Variants in MACROD2 observed in about 807,000 individuals in gnomAD.
MACROD2 encodes mono-ADP ribosylhydrolase 2.
MACROD2 carries 36 observed loss-of-function variants against 70.4 expected under a neutral mutation model. That is an observed-to-expected ratio of 0.51 (90% CI 0.39 to 0.68). The LOEUF (loss-of-function observed/expected upper bound fraction) is 0.68, where lower values mean the gene tolerates loss of function less well. Among genes scored for constraint, MACROD2 ranks in the 30% least tolerant of loss-of-function variants. The pLI is 0.00. For synonymous variants in MACROD2, 172 were observed against 178.8 expected, an observed-to-expected ratio of 0.96 and a Z score of 0.30; for missense variants, 496 against 538.4, an observed-to-expected ratio of 0.92 and a Z score of 0.78.
chr20:15,708,787 A>G (rs1392601125), intron 8 of MACROD2, among the ~76,000 whole-genome samples: 3 of 151,798 alleles, frequency 2.0e-5, no homozygotes, highest in African/African-American at 7.3e-5. Flanking sequence ...GCACTTTGGG[A>G]GCTGAGGCAG....
intron 5 of MACROD2, among the ~76,000 whole-genome samples, chr20:15,124,137 T>C (rs2076049751): frequency 6.6e-6 from 1 of 152,118 alleles, no homozygotes; most frequent in African/African-American, 2.4e-5. Flanking sequence ...TCTTTGATTT[T>C]TTTTGATGCC....
In MACROD2 at chr20:14,340,141, A is replaced by G. The variant is rs756539953; in HGVS notation, c.272-153338A>G. Among the ~76,000 whole-genome samples, 111 of 152,316 alleles carry G rather than the reference A, an allele frequency of 7.3e-4. 1 individual carries two copies. Among genetic ancestry groups the G allele is most frequent in the African/African-American group, 2.5e-3 (104 of 41,576 alleles). ...GATTGAAGGGGATGGAATGCTGGCAATCTTTAGCATGAAACCCTTTTGGCT... is the reference window on the plus strand; with the variant it reads ...GATTGAAGGGGATGGAATGCTGGCAGTCTTTAGCATGAAACCCTTTTGGCT... On this transcript the variant is annotated intron_variant, in intron 3 of 17. Coordinates refer to ENST00000684519, the MANE Select transcript of MACROD2 (RefSeq NM_001351661.2).
intron 3 of MACROD2, among the ~76,000 whole-genome samples, chr20:14,210,392 G>A (rs1225224105): frequency 6.6e-6 from 1 of 152,188 alleles, no homozygotes; most frequent in Non-Finnish European, 1.5e-5. Flanking sequence ...ACAGTTGGAG[G>A]CTGGATGCCT....
chr20:15,042,434 G>A (rs1357158058), intron 5 of MACROD2, among the ~76,000 whole-genome samples: 1 of 152,220 alleles, frequency 6.6e-6, no homozygotes, highest in Non-Finnish European at 1.5e-5. Context: ...ACCTGTAGGA[G>A]TATAGCATCC....
intron 6 of MACROD2, among the ~76,000 whole-genome samples, chr20:15,308,485 A>G (rs1264215562): frequency 6.6e-6 from 1 of 152,208 alleles, no homozygotes; most frequent in East Asian, 1.9e-4. Context: ...TAAGAAAGAT[A>G]TAGTTCTTAA....
intron 6 of MACROD2, among the ~76,000 whole-genome samples, chr20:15,325,545 G>A (rs902677815): frequency 6.6e-6 from 1 of 152,092 alleles, no homozygotes; most frequent in African/African-American, 2.4e-5. Flanking sequence ...CTAGTGCTTG[G>A]TAACCTCCAT....
chr20:15,021,262 CTG>C (rs1307960950), intron 5 of MACROD2, among the ~76,000 whole-genome samples: 1 of 6,216 alleles, frequency 1.6e-4, no homozygotes, highest in African/African-American at 4.1e-4. Context: ...ATACACACAC[CTG>C]TGTGTGTGTA....
chr20:15,552,817 A>G (rs1404189708), intron 8 of MACROD2: 1 of 152,218 alleles, frequency 6.6e-6, no homozygotes, highest in African/African-American at 2.4e-5. Context: ...ATGAGTCCTC[A>G]GAAAAAATCT....
intron 5 of MACROD2, among the ~76,000 whole-genome samples, chr20:14,856,494 T>G (rs971239180): frequency 6.6e-6 from 1 of 152,192 alleles, no homozygotes; most frequent in Non-Finnish European, 1.5e-5. Context: ...AATTGGGCTG[T>G]TTCTTGTTTT....
intron 4 of MACROD2, among the ~76,000 whole-genome samples, chr20:14,654,023 T>C (rs1415041865): frequency 2.6e-5 from 4 of 152,148 alleles, no homozygotes; most frequent in Non-Finnish European, 4.4e-5. Flanking sequence ...ATAAATTACT[T>C]GTACCCCAAT....
intron 5 of MACROD2, among the ~76,000 whole-genome samples, chr20:14,774,461 G>T (rs975311152): frequency 6.6e-6 from 1 of 152,032 alleles, no homozygotes; most frequent in Non-Finnish European, 1.5e-5. Context: ...ACACCAGTGA[G>T]TAAGGGAACA....
chr20:15,965,191 A>T lies in MACROD2; in HGVS notation c.908-2362A>T, dbSNP rs530650873. Among the ~76,000 whole-genome samples, 218 of 152,344 alleles carry T rather than the reference A, an allele frequency of 1.4e-3. 1 individual carries two copies. Among genetic ancestry groups the T allele is most frequent in the African/African-American group, 5.0e-3 (209 of 41,586 alleles). Reference sequence around the variant, plus strand: ...CAAAGAACAACTGATGGTATCTTGGACGCAATGAAATGCATTATGTAGAAA... The same window carrying T: ...CAAAGAACAACTGATGGTATCTTGGTCGCAATGAAATGCATTATGTAGAAA... On this transcript the variant is annotated intron_variant, in intron 12 of 17. Coordinates refer to ENST00000684519, the MANE Select transcript of MACROD2 (RefSeq NM_001351661.2).
chr20:15,526,319 G>A (rs1327203212), intron 8 of MACROD2, among the ~76,000 whole-genome samples: 1 of 152,092 alleles, frequency 6.6e-6, no homozygotes, highest in Non-Finnish European at 1.5e-5. Flanking sequence ...TGACAATGAT[G>A]GAATGATATA....
intron 7 of MACROD2, among the ~76,000 whole-genome samples, chr20:15,475,770 G>A (rs2047014330): frequency 6.6e-6 from 1 of 152,194 alleles, no homozygotes; most frequent in African/African-American, 2.4e-5. Context: ...AGAGAAGAGT[G>A]CACTGTGGCT....
chr20:15,040,301 C>T (rs1268790042), intron 5 of MACROD2, among the ~76,000 whole-genome samples: 1 of 142,980 alleles, frequency 7.0e-6, no homozygotes, highest in African/African-American at 2.7e-5. Context: ...GGCGACAGAG[C>T]GAGACTCCGT....
intron 5 of MACROD2, among the ~76,000 whole-genome samples, chr20:15,087,232 A>C (rs1343860851): frequency 6.6e-6 from 1 of 152,054 alleles, no homozygotes; most frequent in Non-Finnish European, 1.5e-5. Flanking sequence ...GACAGGCTTA[A>C]AGACAATTCA....
intron 9 of MACROD2, among the ~76,000 whole-genome samples, chr20:15,876,293 T>A (rs2064672393): frequency 6.6e-6 from 1 of 151,864 alleles, no homozygotes; most frequent in South Asian, 2.1e-4. Flanking sequence ...GGCCCCAGTG[T>A]GTGATGTTCC....
At chr20:15,844,997 G>T (rs1371644123) in intron 8 of MACROD2, among the ~76,000 whole-genome samples, 1 of 152,044 alleles carries the variant, frequency 6.6e-6, no homozygotes, top group Non-Finnish European at 1.5e-5. Flanking sequence ...TTCATAAGTG[G>T]CATCACACTT....
rs142054273 is a variant in MACROD2 at position 15,910,902 on chromosome 20, G to A, written c.776-22374G>A. 1.2e-3 allele frequency among the ~76,000 whole-genome samples: 190 copies of A among 152,290 alleles called. 1 individual carries two copies. Among genetic ancestry groups the A allele is most frequent in the African/African-American group, 4.5e-3 (185 of 41,556 alleles). ...TACTTAATTAGCTAATTTACCAGTT[G>A]CATCAGAACTAGGTTCCTCTACCCA... On this transcript the variant is annotated intron_variant, in intron 10 of 17. Coordinates refer to ENST00000684519, the MANE Select transcript of MACROD2 (RefSeq NM_001351661.2).
Sources: gnomAD v4.1 joint callset for allele counts (sites outside exome capture counted in the v4.1 genomes callset) on GRCh38, gnomAD v4.1.1 for gene constraint, MANE v1.5 for transcripts, NCBI Gene and HGNC (gene_info 2026-07-23, HGNC 2026-07-21) for gene names.